Variants in ACADVL observed in about 807,000 individuals in gnomAD.
ACADVL encodes acyl-CoA dehydrogenase very long chain.
ACADVL carries 73 observed loss-of-function variants against 80.4 expected under a neutral mutation model. That is an observed-to-expected ratio of 0.91 (90% CI 0.75 to 1.10). The LOEUF is 1.10. Among genes scored for constraint, ACADVL ranks in the 50% least tolerant of loss-of-function variants. ACADVL has a pLI of 0.00. For missense variants in ACADVL, 878 were observed against 858.9 expected (o/e 1.02, Z -0.28); for synonymous variants, 392 against 326.5 (o/e 1.20, Z -2.16).
Position 7,224,632 on chromosome 17 carries a change from TACCGG to T in ACADVL, c.1679-7_1679-3del. On this transcript the variant is annotated splice_polypyrimidine_tract_variant and splice_region_variant and intron_variant, in intron 17 of 19. Coordinates refer to ENST00000356839, the MANE Select transcript of ACADVL (RefSeq NM_000018.4). ...CCCCCACCCCCACCCCCACCCCACC[TACCGG>T]ACAGATGAACAGTTTCTGCTGCAGC... 1 of 348,580 alleles carries T rather than the reference TACCGG, an allele frequency of 2.9e-6. No individual in the cohort carries two copies. Among genetic ancestry groups the T allele is most frequent in the Non-Finnish European group, 4.0e-6 (1 of 250,262 alleles). The allele number at this position is 348,580 out of a possible 1,614,324, so 21.6% of individuals were successfully genotyped here.
chr17:7,220,985 G>A lies in ACADVL; in HGVS notation c.404G>A (p.Gly135Asp), dbSNP rs1322135430. ...LEMVEETTWQ[G>D]LKELGAFGLQ... ...ATGGTGGAGGAGACCACTTGGCAGG[G>A]CCTCAAGGAGCTGGGGGCCTTTGGT... Residue 135 changes from glycine to aspartate, a missense_variant, in exon 6 of 20, where the codon GGC becomes GAC. Gly to Asp is a moderately conservative substitution (Grantham distance 94, BLOSUM62 -1). Coordinates refer to ENST00000356839, the MANE Select transcript of ACADVL (RefSeq NM_000018.4). 2 of 1,613,980 alleles carry A rather than the reference G, an allele frequency of 1.2e-6. No individual in the cohort carries two copies. The highest frequency in any genetic ancestry group is 1.3e-5 in the African/African-American group (1 of 74,914).
chr17:7,222,669 G>A lies in ACADVL; in HGVS notation c.881G>A (p.Gly294Glu), dbSNP rs200573371. The A allele has an allele frequency of 5.0e-6, 8 of 1,613,348 alleles. No homozygotes were observed. The highest frequency in any genetic ancestry group is 6.8e-6 in the Non-Finnish European group (8 of 1,179,664). Residue 294 changes from glycine (G) to glutamate (E), a missense_variant and splice_region_variant, in exon 10 of 20, where the codon GGG becomes GAG. By Grantham distance (98) the Gly-to-Glu change is moderately conservative (BLOSUM62 -2). Coordinates refer to ENST00000356839, the MANE Select transcript of ACADVL (RefSeq NM_000018.4). ...TTTCCCACACTGCCCTGACACAGTG[G>A]GCCCCCTGAGAAGAAGATGGGCATC... is the stretch of plus-strand genomic sequence containing the variant. ...VERGFGGITH[G>E]PPEKKMGIKA...
At position 7,224,901 on chromosome 17, in the gene ACADVL, C is replaced by T. The variant is rs752128281; in HGVS notation, c.1827+17C>T. ...TGTATCGAGGTGAGACTCGGGGCTGCCAAGCTCAGGTGAGGGCTGGAGGTG... is the reference window on the plus strand; with the variant it reads ...TGTATCGAGGTGAGACTCGGGGCTGTCAAGCTCAGGTGAGGGCTGGAGGTG... On this transcript the variant is annotated intron_variant, in intron 19 of 19. Transcript: ENST00000356839. 6 of 1,614,024 alleles carry T rather than the reference C, an allele frequency of 3.7e-6. No individual in the cohort carries two copies. In the South Asian group the frequency reaches 4.4e-5, roughly 12 times the overall value.
Position 7,222,276 on chromosome 17 carries a change from G to A in ACADVL, c.852G>A (p.Val284=). The part of the protein sequence containing the change: ...AVKEKITAFV[V]ERGFGGITHG... The stretch of plus-strand genomic sequence containing the variant: ...AGGAGAAGATCACAGCTTTTGTGGT[G>A]GAGAGGGGCTTCGGGGGCATTACCC... The change falls in exon 9 of 20, where the codon GTG becomes GTA. Residue 284 remains valine (V), a synonymous_variant. Coordinates refer to ENST00000356839, the MANE Select transcript of ACADVL (RefSeq NM_000018.4). 6.2e-7 allele frequency: 1 copy of A among 1,614,112 alleles called. No individual in the cohort carries two copies. Among genetic ancestry groups the A allele is most frequent in the African/African-American group, 1.3e-5 (1 of 75,026 alleles).
At position 7,223,855 on chromosome 17, in the gene ACADVL, G is replaced by A. The variant is rs1194129121; in HGVS notation, c.1312G>A (p.Gly438Arg). 1 of 1,614,102 alleles carries A rather than the reference G, an allele frequency of 6.2e-7. No homozygotes were observed. Residue 438 changes from glycine to arginine, a missense_variant, in exon 13 of 20, where the codon GGG becomes AGG. By Grantham distance (125) the Gly-to-Arg change is moderately radical (BLOSUM62 -2). Transcript: ENST00000356839. ...GACAGATGAATGCATCCAAATCATG[G>A]GGGGTATGGGCTTCATGAAGGTACA... ...KVTDECIQIM[G>R]GMGFMKEPGV...
chr17:7,222,203 C>T lies in ACADVL; in HGVS notation c.779C>T (p.Thr260Met), dbSNP rs113994168. ...AATGGGGGCCTAGCAGACATCTTCA[C>T]GGTCTTTGCCAAGACACCAGTTACA... ...ISNGGLADIF[T>M]VFAKTPVTDP... is the part of the protein sequence containing the mutation. The change falls in exon 9 of 20, where the codon ACG becomes ATG. Residue 260 changes from threonine (T) to methionine (M), a missense_variant. Transcript: ENST00000356839. 43 of 1,614,018 alleles carry T rather than the reference C, an allele frequency of 2.7e-5. No homozygotes were observed. Among genetic ancestry groups the T allele is most frequent in the Non-Finnish European group, 3.1e-5 (37 of 1,180,042 alleles).
chr17:7,218,622 A>G (rs2071044214), upstream of ACADVL: 3 of 1,563,692 alleles, frequency 1.9e-6, no homozygotes, highest in East Asian at 7.1e-5. Context: ...GCCAGGAGCC[A>G]GAGGGCTGAC....
In ACADVL at chr17:7,221,834, A is replaced by AAG. The variant is rs1713833022; in HGVS notation, c.623-116_623-115dup. ...ACAGTGTGCTGGTTGGGACATGCAA[A>AAG]AGAACTGGATACTCCCAGGTGTTAA... On this transcript the variant is annotated intron_variant, in intron 7 of 19. Coordinates refer to ENST00000356839, the MANE Select transcript of ACADVL (RefSeq NM_000018.4). 22 of 1,592,278 alleles carry AAG rather than the reference A, an allele frequency of 1.4e-5. No individual in the cohort carries two copies. In the South Asian group the frequency reaches 2.4e-4, roughly 18 times the overall value.
chr17:7,221,177 C>T, intron 6 of ACADVL, 119 bp downstream of exon 6: 4 of 1,530,108 alleles, frequency 2.6e-6, no homozygotes, highest in Non-Finnish European at 3.6e-6. Context: ...GCCCTGGGTG[C>T]CTGTGGGATG....
At chr17:7,218,753 T>C (rs112144905), upstream of ACADVL, 8 of 1,591,660 alleles carry the variant, frequency 5.0e-6, no homozygotes, top group African/African-American at 1.3e-5. Context: ...ACGGAAAGAT[T>C]TGGGGAGAAG....
At chr17:7,217,149 T>G (rs2070954999), upstream of ACADVL, 5 of 1,290,180 alleles carry the variant, frequency 3.9e-6, no homozygotes, top group South Asian at 3.0e-5. Flanking sequence ...ACAGTCCATG[T>G]TGGGGGGCCT....
upstream of ACADVL, chr17:7,217,712 G>A: frequency 1.3e-6 from 2 of 1,534,840 alleles, no homozygotes; most frequent in Non-Finnish European, 1.7e-6. Flanking sequence ...TTCTGTGCTG[G>A]CAGGAACCCG....
rs2071234346 is a variant in ACADVL at position 7,221,664 on chromosome 17, C to G, written c.604C>G (p.Leu202Val). 1 of 1,613,902 alleles carries G rather than the reference C, an allele frequency of 6.2e-7. No homozygotes were observed. Among genetic ancestry groups the G allele is most frequent in the Non-Finnish European group, 8.5e-7 (1 of 1,180,040 alleles). The change falls in exon 7 of 20, where the codon CTC becomes GTC. Residue 202 changes from leucine (L) to valine (V), a missense_variant. Transcript: ENST00000356839. ...FGTKAQKEKY[L>V]PKLASGETVA... Reference sequence around the variant, plus strand: ...CACAAAGGCCCAGAAAGAAAAATACCTCCCCAAGCTGGCATCTGGTGAGGC... The same window carrying G: ...CACAAAGGCCCAGAAAGAAAAATACGTCCCCAAGCTGGCATCTGGTGAGGC...
Position 7,222,744 on chromosome 17 carries a change from C to G in ACADVL, c.956C>G (p.Ser319Trp). 1 of 1,614,108 alleles carries G rather than the reference C, an allele frequency of 6.2e-7. No individual in the cohort carries two copies. Among genetic ancestry groups the G allele is most frequent in the Non-Finnish European group, 8.5e-7 (1 of 1,180,018 alleles). The change falls in exon 10 of 20, where the codon TCG (serine) becomes TGG (tryptophan). Residue 319 changes from serine (S) to tryptophan (W), a missense_variant. Physicochemically the swap from Ser to Trp is radical, Grantham distance 177. Transcript: ENST00000356839. ...TTCTTTGATGGAGTACGGGTGCCAT[C>G]GGAGAACGTGCTGGGTGAGGTTGGG... ...EVFFDGVRVPSENVLGEVGSG... is the reference protein window; with the variant it reads ...EVFFDGVRVPWENVLGEVGSG...
Position 7,221,012 on chromosome 17 carries a change from T to C in ACADVL, c.431T>C (p.Leu144Pro), listed in dbSNP as rs1555527925. 1 of 1,613,966 alleles carries C rather than the reference T, an allele frequency of 6.2e-7. No homozygotes were observed. The highest frequency in any genetic ancestry group is 8.5e-7 in the Non-Finnish European group (1 of 1,180,000). The change falls in exon 6 of 20, where the codon CTG becomes CCG. Residue 144 changes from leucine to proline, a missense_variant. Transcript: ENST00000356839. The part of the protein sequence containing the change: ...QGLKELGAFG[L>P]QVPSELGGVG... ...CTCAAGGAGCTGGGGGCCTTTGGTC[T>C]GCAAGTGCCCAGTGAGCTGGGTGGT...
At chr17:7,219,910 G>T, upstream of ACADVL, 2 of 752,278 alleles carry the variant, frequency 2.7e-6, no homozygotes, top group South Asian at 4.1e-5. Context: ...AGGGTTAGGG[G>T]CGCCAGGACG....
chr17:7,222,076 G>C lies in ACADVL; in HGVS notation c.747G>C (p.Trp249Cys), dbSNP rs141167669. 6.2e-7 allele frequency: 1 copy of C among 1,614,108 alleles called. No homozygotes were observed. The highest frequency in any genetic ancestry group is 8.5e-7 in the Non-Finnish European group (1 of 1,180,020). Reference sequence around the variant, plus strand: ...ATACCCTCAATGGAAGCAAGCTTTGGATCAGGCAACCTGCCTCCCATTTCT... The same window carrying C: ...ATACCCTCAATGGAAGCAAGCTTTGCATCAGGCAACCTGCCTCCCATTTCT... The part of the protein sequence containing the change: ...KYYTLNGSKL[W>C]ISNGGLADIF... The change falls in exon 8 of 20, where the codon TGG becomes TGC. Residue 249 changes from tryptophan to cysteine, a missense_variant. Coordinates refer to ENST00000356839, the MANE Select transcript of ACADVL (RefSeq NM_000018.4).
At chr17:7,222,344 G>T (rs1043186637) in intron 9 of ACADVL, 42 bp downstream of exon 9, 1 of 1,605,314 alleles carries the variant, frequency 6.2e-7, no homozygotes, top group Non-Finnish European at 8.5e-7. Context: ...CTGAGGGGCA[G>T]GACTGGGCTC....
chr17:7,218,355 T>C, upstream of ACADVL: 1 of 1,520,092 alleles, frequency 6.6e-7, no homozygotes, highest in African/African-American at 1.4e-5. Flanking sequence ...TCATCACCGC[T>C]GCTGGCTGGC....
Sources: gnomAD v4.1 joint callset for allele counts on GRCh38, gnomAD v4.1.1 for gene constraint, MANE v1.5 for transcripts, NCBI Gene and HGNC (gene_info 2026-07-23, HGNC 2026-07-21) for gene names.